Variants in FOCAD observed in about 807,000 individuals in gnomAD.
FOCAD encodes the protein focadhesin, also known as KIAA1797.
Under a neutral mutation model 225.6 loss-of-function variants are expected in FOCAD, and 198 were observed. The observed-to-expected ratio is 0.88, with a 90% confidence interval of 0.78 to 0.99. The LOEUF (loss-of-function observed/expected upper bound fraction) is 0.99, where lower values mean the gene tolerates loss of function less well. FOCAD is among the 50% of genes least tolerant of loss of function. The pLI is 0.00. For missense variants in FOCAD, 2,713 were observed against 2,123.6 expected (o/e 1.28, Z -5.46); for synonymous variants, 897 against 755.0 (o/e 1.19, Z -3.08).
chr9:20,926,269 G>A (rs751876517), intron 25 of FOCAD, 32 bp from the exon 26 acceptor site: 2 of 1,240,772 alleles, frequency 1.6e-6, no homozygotes, highest in East Asian at 2.3e-5. Context: ...TGTTTTCTCT[G>A]TAATCATTTC....
chr9:20,878,717 C>T (rs1830431272), intron 19 of FOCAD, among the ~76,000 whole-genome samples: 2 of 152,178 alleles, frequency 1.3e-5, no homozygotes, highest in Admixed American at 6.5e-5. Flanking sequence ...TACATGATTA[C>T]AGTAGCTAAG....
At chr9:20,884,775 T>C (rs967005529) in intron 20 of FOCAD, among the ~76,000 whole-genome samples, 1 of 151,940 alleles carries the variant, frequency 6.6e-6, no homozygotes, top group African/African-American at 2.4e-5. Context: ...AGAAATGTCT[T>C]TGTAAGCTGG....
intron 35 of FOCAD, among the ~76,000 whole-genome samples, chr9:20,973,228 C>G (rs1839921097): frequency 6.6e-6 from 1 of 151,882 alleles, no homozygotes; most frequent in Non-Finnish European, 1.5e-5. Context: ...CTTTCAGCAT[C>G]TGCTGATGTG....
At chr9:20,724,684 T>C (rs1169893586) in intron 4 of FOCAD, among the ~76,000 whole-genome samples, 2 of 152,048 alleles carry the variant, frequency 1.3e-5, no homozygotes, top group Non-Finnish European at 1.5e-5. Flanking sequence ...TAGCAGAACT[T>C]TGCGGTGTGT....
At chr9:20,793,906 G>C (rs1201373797) in intron 11 of FOCAD, among the ~76,000 whole-genome samples, 2 of 152,148 alleles carry the variant, frequency 1.3e-5, no homozygotes, top group East Asian at 1.9e-4. Context: ...TTAGTGGAGA[G>C]GGAAGGGCGA....
At chr9:20,821,614 A>C (rs1824331353) in intron 14 of FOCAD, among the ~76,000 whole-genome samples, 1 of 152,104 alleles carries the variant, frequency 6.6e-6, no homozygotes. Context: ...ATTAATAAAC[A>C]GGGTGGAGGT....
At chr9:20,888,983 T>C (rs528513035) in intron 21 of FOCAD, among the ~76,000 whole-genome samples, 1 of 152,314 alleles carries the variant, frequency 6.6e-6, no homozygotes, top group East Asian at 1.9e-4. Context: ...CAAGGTGTGA[T>C]ACATATACCA....
At chr9:20,696,425 G>T (rs1255146485) in intron 1 of FOCAD, among the ~76,000 whole-genome samples, 1 of 152,162 alleles carries the variant, frequency 6.6e-6, no homozygotes, top group Non-Finnish European at 1.5e-5. Flanking sequence ...CAAAACATCT[G>T]ATTTTGTACC....
chr9:20,769,603 T>A (rs1817980465), intron 7 of FOCAD, among the ~76,000 whole-genome samples: 1 of 152,234 alleles, frequency 6.6e-6, no homozygotes, highest in African/African-American at 2.4e-5. Flanking sequence ...ATCTTGCAGA[T>A]AAAGGGCTTA....
At chr9:20,973,865 T>C (rs566682563) in intron 35 of FOCAD, among the ~76,000 whole-genome samples, 1 of 113,132 alleles carries the variant, frequency 8.8e-6, no homozygotes, top group Non-Finnish European at 2.0e-5. Flanking sequence ...TCATTTCTGC[T>C]GCTGTTTTCA....
intron 11 of FOCAD, among the ~76,000 whole-genome samples, chr9:20,818,464 C>G (rs571869532): frequency 1.3e-5 from 2 of 152,008 alleles, no homozygotes; most frequent in East Asian, 1.9e-4. Flanking sequence ...AGACTTAATC[C>G]TATATTTTCT....
At chr9:20,791,057 C>A (rs1170172764) in intron 11 of FOCAD, among the ~76,000 whole-genome samples, 1 of 152,140 alleles carries the variant, frequency 6.6e-6, no homozygotes, top group African/African-American at 2.4e-5. Flanking sequence ...CCAATGTTTT[C>A]TTTCAGTGTT....
intron 34 of FOCAD, chr9:20,952,376 A>C (rs1354859932): frequency 6.6e-6 from 1 of 152,202 alleles, no homozygotes; most frequent in Admixed American, 6.5e-5. Context: ...CTCATGAAAC[A>C]ATTATGGGAA....
intron 8 of FOCAD, 56 bp from the exon 9 acceptor site, chr9:20,778,625 A>G (rs1819041450): frequency 3.4e-6 from 3 of 893,100 alleles, no homozygotes; most frequent in Middle Eastern, 4.4e-4. Flanking sequence ...CATGTTACAA[A>G]GCCATGATTC....
At chr9:20,747,799 C>G (rs1828177655) in intron 5 of FOCAD, among the ~76,000 whole-genome samples, 1 of 147,370 alleles carries the variant, frequency 6.8e-6, no homozygotes, top group Admixed American at 6.8e-5. Flanking sequence ...TTTTTTGATG[C>G]TAAGACCATT....
At chr9:20,719,089 C>CT (rs1045695931) in intron 3 of FOCAD, among the ~76,000 whole-genome samples, 26 of 148,740 alleles carry the variant, frequency 1.7e-4, no homozygotes, top group East Asian at 5.9e-4. Flanking sequence ...ATTTTCTTTT[C>CT]TTTTTTTTTT....
intron 5 of FOCAD, among the ~76,000 whole-genome samples, chr9:20,748,788 A>T (rs1491001858): frequency 6.6e-6 from 1 of 152,006 alleles, no homozygotes; most frequent in Non-Finnish European, 1.5e-5. Context: ...TTCACAATTT[A>T]TGGGTCTAAT....
At chr9:20,861,003 C>T (rs772444250) in intron 15 of FOCAD, among the ~76,000 whole-genome samples, 1 of 152,072 alleles carries the variant, frequency 6.6e-6, no homozygotes, top group African/African-American at 2.4e-5. Context: ...TTGACTTTTG[C>T]TTTCCATTTT....
chr9:20,771,856 A>G (rs74558797), intron 8 of FOCAD, among the ~76,000 whole-genome samples: 113 of 152,294 alleles, frequency 7.4e-4, no homozygotes, highest in African/African-American at 2.6e-3. Flanking sequence ...GAGGACTCTT[A>G]ATGGCTTGCA....
Sources: gnomAD v4.1 joint callset for allele counts (sites outside exome capture counted in the v4.1 genomes callset) on GRCh38, gnomAD v4.1.1 for gene constraint, MANE v1.5 for transcripts, NCBI Gene and HGNC (gene_info 2026-07-23, HGNC 2026-07-21) for gene names.